The following PPHLN1 variants were observed in gnomAD, a reference collection of about 807,000 sequenced individuals.
The protein encoded by PPHLN1 is periphilin 1.
Under a neutral mutation model 51.3 loss-of-function variants are expected in PPHLN1, and 29 were observed. That is an observed-to-expected ratio of 0.57 (90% CI 0.42 to 0.77). The LOEUF (loss-of-function observed/expected upper bound fraction) is 0.77. Ranked by LOEUF, PPHLN1 falls within the 30% of genes least tolerant of loss-of-function variation. PPHLN1 has a pLI of 0.00. For missense variants in PPHLN1, 436 were observed against 438.4 expected (o/e 0.99, Z 0.05); for synonymous variants, 147 against 147.8 (o/e 0.99, Z 0.04).
At chr12:42,403,524 T>C (rs1049305974) in intron 9 of PPHLN1, among the ~76,000 whole-genome samples, 1 of 152,224 alleles carries the variant, frequency 6.6e-6, no homozygotes, top group African/African-American at 2.4e-5. Flanking sequence ...AGATAATTTG[T>C]ATCATATTTA....
chr12:42,411,234 A>G (rs2079784343), intron 9 of PPHLN1, among the ~76,000 whole-genome samples: 1 of 151,874 alleles, frequency 6.6e-6, no homozygotes, highest in African/African-American at 2.4e-5. Context: ...TAATTGATCC[A>G]TTGAGTATAT....
At chr12:42,369,437 C>A (rs2138648365) in intron 4 of PPHLN1, among the ~76,000 whole-genome samples, 1 of 152,210 alleles carries the variant, frequency 6.6e-6, no homozygotes, top group Middle Eastern at 3.4e-3. Flanking sequence ...TATTGGCATG[C>A]CTGGCTCTTT....
intron 2 of PPHLN1, among the ~76,000 whole-genome samples, chr12:42,340,827 T>C (rs1311037377): frequency 6.6e-6 from 1 of 152,220 alleles, no homozygotes; most frequent in African/African-American, 2.4e-5. Context: ...CAGATTTTTT[T>C]TGCAAAATAT....
At chr12:42,417,717 A>T (rs934568391) in intron 9 of PPHLN1, among the ~76,000 whole-genome samples, 5 of 152,082 alleles carry the variant, frequency 3.3e-5, no homozygotes, top group African/African-American at 1.2e-4. Context: ...TATAGAAAAA[A>T]AAAATGACGC....
At chr12:42,365,716 A>G (rs1338570196) in intron 4 of PPHLN1, among the ~76,000 whole-genome samples, 1 of 152,154 alleles carries the variant, frequency 6.6e-6, no homozygotes, top group Non-Finnish European at 1.5e-5. Flanking sequence ...CGTCTTTTAT[A>G]TGCCAGCCAG....
chr12:42,360,067 A>G (rs1045711964), intron 4 of PPHLN1, among the ~76,000 whole-genome samples: 31 of 148,566 alleles, frequency 2.1e-4, no homozygotes, highest in Non-Finnish European at 3.4e-4. Context: ...GAGTTCACCC[A>G]TTGCACTCCA....
Position 42,374,904 on chromosome 12 carries a change from C to T in PPHLN1, c.341C>T (p.Ser114Phe). Residue 114 changes from serine (S) to phenylalanine (F), a missense_variant, in exon 5 of 10, where the codon TCC becomes TTC. Transcript: ENST00000358314. ...TTTAGAAGAAAAAGTTTCTACTCTT[C>T]CCATTATGCGAGAGAGCGGTCTCCT... ...DGFRRKSFYS[S>F]HYARERSPYK... The T allele has an allele frequency of 6.2e-7, 1 of 1,609,234 alleles. No individual in the cohort carries two copies. Among genetic ancestry groups the T allele is most frequent in the South Asian group, 1.1e-5 (1 of 90,934 alleles).
intron 5 of PPHLN1, 53 bp downstream of exon 5, chr12:42,375,127 T>A (rs1359459276): frequency 7.5e-7 from 1 of 1,324,938 alleles, no homozygotes; most frequent in Non-Finnish European, 1.0e-6. Flanking sequence ...CTGATGAGAA[T>A]GTACTGAGTC....
At chr12:42,371,854 G>T (rs1397342723) in intron 4 of PPHLN1, among the ~76,000 whole-genome samples, 1 of 151,992 alleles carries the variant, frequency 6.6e-6, no homozygotes, top group African/African-American at 2.4e-5. Context: ...AAATTAATTT[G>T]ACCTGTTTCT....
At chr12:42,406,085 G>GGTTTT (rs1369853717) in intron 9 of PPHLN1, among the ~76,000 whole-genome samples, 6 of 120,832 alleles carry the variant, frequency 5.0e-5, no homozygotes, top group Non-Finnish European at 5.9e-5. Context: ...AGTTTAGTCT[G>GGTTTT]GTTTTTTTTT....
chr12:42,415,984 G>T lies in PPHLN1; in HGVS notation c.909+16990G>T, dbSNP rs185274165. 2.0e-3 allele frequency among the ~76,000 whole-genome samples: 306 copies of T among 152,296 alleles called. 1 individual carries two copies. Among genetic ancestry groups the T allele is most frequent in the African/African-American group, 7.0e-3 (291 of 41,562 alleles). ...CCAAAGAAGGCCTTTCTGTGGAAGTGACATTTGATCAGACTCTTAAAATTC... is the reference window on the plus strand; with the variant it reads ...CCAAAGAAGGCCTTTCTGTGGAAGTTACATTTGATCAGACTCTTAAAATTC... On this transcript the variant is annotated intron_variant, in intron 9 of 9. Coordinates refer to ENST00000358314, the MANE Select transcript of PPHLN1 (RefSeq NM_201439.2).
intron 9 of PPHLN1, among the ~76,000 whole-genome samples, chr12:42,421,802 T>C (rs1321627283): frequency 6.6e-6 from 1 of 152,084 alleles, no homozygotes; most frequent in Non-Finnish European, 1.5e-5. Context: ...TTTTGTTGAA[T>C]TTAAGTGGAT....
intron 9 of PPHLN1, among the ~76,000 whole-genome samples, chr12:42,420,564 A>G (rs965488560): frequency 6.7e-6 from 1 of 150,350 alleles, no homozygotes; most frequent in African/African-American, 2.4e-5. Flanking sequence ...TCTGCTTCCC[A>G]GGTTCAAGTG....
chr12:42,376,163 T>C (rs2076249049), intron 5 of PPHLN1, among the ~76,000 whole-genome samples: 1 of 152,244 alleles, frequency 6.6e-6, no homozygotes, highest in Non-Finnish European at 1.5e-5. Context: ...AATTGTCTTC[T>C]AGTTAGAAGG....
chr12:42,333,651 T>A (rs1234064818), intron 1 of PPHLN1, among the ~76,000 whole-genome samples: 1 of 151,808 alleles, frequency 6.6e-6, no homozygotes, highest in Admixed American at 6.6e-5. Context: ...CCCAGCTAAT[T>A]TTTTGTATTT....
chr12:42,424,491 A>G (rs1485642129), intron 9 of PPHLN1, among the ~76,000 whole-genome samples: 1 of 152,208 alleles, frequency 6.6e-6, no homozygotes, highest in Admixed American at 6.5e-5. Flanking sequence ...AGTGAACTCT[A>G]GGATTCATCT....
chr12:42,340,779 T>G (rs1045489231), intron 2 of PPHLN1, among the ~76,000 whole-genome samples: 6 of 152,212 alleles, frequency 3.9e-5, no homozygotes, highest in African/African-American at 9.6e-5. Context: ...TTGTACACTT[T>G]TTTATATGTA....
intron 9 of PPHLN1, among the ~76,000 whole-genome samples, chr12:42,437,936 A>G (rs1258614562): frequency 6.6e-6 from 1 of 152,150 alleles, no homozygotes. Context: ...TATAGTTGGT[A>G]TCATAGTGTA....
In PPHLN1 at chr12:42,329,094, A is replaced by ATTTTTTTTTTT. The variant is rs775555753; in HGVS notation, c.-21+2870_-21+2880dup. On this transcript the variant is annotated intron_variant, in intron 1 of 9. Coordinates refer to ENST00000358314, the MANE Select transcript of PPHLN1 (RefSeq NM_201439.2). ...TTATGTTTAGTTGTCTGGAATTTCA[A>ATTTTTTTTTTT]TTTTTTTTTTTTTTTGTGTGTGTGT... Among the ~76,000 whole-genome samples, 123 of 141,360 alleles carry ATTTTTTTTTTT rather than the reference A, an allele frequency of 8.7e-4. 1 individual carries two copies. The highest frequency in any genetic ancestry group is 3.3e-3 in the African/African-American group (119 of 35,750). The allele number at this position is 141,360 out of a possible 152,430, so 92.7% of individuals were successfully genotyped here.
Sources: gnomAD v4.1 joint callset for allele counts (sites outside exome capture counted in the v4.1 genomes callset) on GRCh38, gnomAD v4.1.1 for gene constraint, MANE v1.5 for transcripts, NCBI Gene and HGNC (gene_info 2026-07-23, HGNC 2026-07-21) for gene names.